RANBP3: variants seen among roughly 807,000 people sequenced by gnomAD.
RANBP3 encodes RAN binding protein 3.
RANBP3 carries 14 observed loss-of-function variants against 77.3 expected under a neutral mutation model. The ratio of observed to expected loss-of-function variants is 0.18; its 90% confidence interval spans 0.12 to 0.28. The LOEUF (loss-of-function observed/expected upper bound fraction) is 0.28. Among genes scored for constraint, RANBP3 ranks in the 10% least tolerant of loss-of-function variants. RANBP3 has a pLI of 1.00. For synonymous variants in RANBP3, 315 were observed against 312.4 expected, an observed-to-expected ratio of 1.01 and a Z score of -0.09; for missense variants, 586 against 752.3, an observed-to-expected ratio of 0.78 and a Z score of 2.59.
intron 2 of RANBP3, 46 bp downstream of exon 2, chr19:5,957,872 A>G (rs1242998077): frequency 6.2e-7 from 1 of 1,602,254 alleles, no homozygotes; most frequent in South Asian, 1.1e-5. Flanking sequence ...TAAAGAGAGA[A>G]CAAATTAGAG....
intron 5 of RANBP3, among the ~76,000 whole-genome samples, chr19:5,939,420 C>T (rs1168966680): frequency 1.3e-5 from 2 of 152,158 alleles, no homozygotes; most frequent in Admixed American, 1.3e-4. Context: ...ACTTTAAATG[C>T]CCGCTGAAGA....
intron 3 of RANBP3, among the ~76,000 whole-genome samples, chr19:5,945,141 C>T (rs2058188005): frequency 6.6e-6 from 1 of 152,334 alleles, no homozygotes; most frequent in Admixed American, 6.5e-5. Context: ...CTGGACCTCA[C>T]AGTAGAAGCC....
intron 3 of RANBP3, among the ~76,000 whole-genome samples, chr19:5,948,100 G>A (rs1413092673): frequency 6.6e-6 from 1 of 152,202 alleles, no homozygotes; most frequent in Non-Finnish European, 1.5e-5. Context: ...AGGAAGGAAT[G>A]GCACTGTTTA....
chr19:5,924,842 C>T lies in RANBP3; in HGVS notation c.981G>A (p.Met327Ile). 1 of 1,614,166 alleles carries T rather than the reference C, an allele frequency of 6.2e-7. No individual in the cohort carries two copies. The highest frequency in any genetic ancestry group is 8.5e-7 in the Non-Finnish European group (1 of 1,179,974). ...SSNKFVFGQN[M>I]SERVLSPPKL... ...AGCCACTCACCAAAACTCGCTCGCTCATGTTCTGGCCAAATACAAATTTGT... is the reference window on the plus strand; with the variant it reads ...AGCCACTCACCAAAACTCGCTCGCTTATGTTCTGGCCAAATACAAATTTGT... Residue 327 changes from methionine to isoleucine, a missense_variant, in exon 11 of 17, where the codon ATG becomes ATA. Around this residue, in one of 5 missense-constraint regions of RANBP3, gnomAD observed 232 missense variants for 271.7 expected, o/e 0.85. Transcript: ENST00000340578. This position sits in a 1 kb window ranked among gnomAD's most constrained non-coding sequence, Gnocchi z 4.7.
intron 5 of RANBP3, among the ~76,000 whole-genome samples, chr19:5,934,928 C>T (rs1290496125): frequency 6.6e-6 from 1 of 152,088 alleles, no homozygotes; most frequent in Non-Finnish European, 1.5e-5. Flanking sequence ...TGTGAAATGC[C>T]AGACTAAGCA....
At chr19:5,951,325 A>G (rs1237481357) in intron 3 of RANBP3, 68 bp downstream of exon 3, 9 of 1,414,376 alleles carry the variant, frequency 6.4e-6, no homozygotes, top group Non-Finnish European at 8.8e-6. Context: ...AGGGACCCGA[A>G]GGGAAAGTGG....
intron 2 of RANBP3, among the ~76,000 whole-genome samples, chr19:5,955,398 C>G (rs189330351): frequency 6.6e-6 from 1 of 152,296 alleles, no homozygotes; most frequent in East Asian, 1.9e-4. Context: ...GCCACCGTGT[C>G]TGGCCTACTT....
At chr19:5,947,325 A>AAG (rs1555759139) in intron 3 of RANBP3, among the ~76,000 whole-genome samples, 1 of 151,530 alleles carries the variant, frequency 6.6e-6, no homozygotes, top group African/African-American at 2.4e-5. Context: ...AAAAAAAAAA[A>AAG]AAAGAAAGAA....
chr19:5,918,808 C>T (rs1403115233), intron 14 of RANBP3, among the ~76,000 whole-genome samples, 170 bp from the exon 15 acceptor site: 1 of 152,212 alleles, frequency 6.6e-6, no homozygotes, highest in African/African-American at 2.4e-5. Context: ...CCAGCCCTGG[C>T]ACACCTGCTC....
At chr19:5,938,702 C>A (rs972775912) in intron 5 of RANBP3, among the ~76,000 whole-genome samples, 1 of 151,916 alleles carries the variant, frequency 6.6e-6, no homozygotes, top group Admixed American at 6.6e-5. Flanking sequence ...CCAAAACACA[C>A]AAAAAGTTTT....
intron 1 of RANBP3, among the ~76,000 whole-genome samples, chr19:5,964,852 T>TTG (rs1400764745): frequency 5.9e-5 from 1 of 16,996 alleles, no homozygotes. Flanking sequence ...GGTGGTAGGG[T>TTG]GGGGGGGGGG....
intron 5 of RANBP3, among the ~76,000 whole-genome samples, chr19:5,935,095 TAC>T (rs1359412502): frequency 1.3e-5 from 2 of 152,152 alleles, no homozygotes; most frequent in Non-Finnish European, 2.9e-5. Context: ...CACTCAATTG[TAC>T]ACTAAAACGA....
At chr19:5,962,740 C>T (rs759993833) in intron 1 of RANBP3, 9 of 455,948 alleles carry the variant, frequency 2.0e-5, no homozygotes, top group Non-Finnish European at 4.0e-5. Context: ...GTTACTCACG[C>T]TGCATTTCTA....
At chr19:5,971,384 G>A (rs2145279418) in intron 1 of RANBP3, among the ~76,000 whole-genome samples, 1 of 151,724 alleles carries the variant, frequency 6.6e-6, no homozygotes, top group Non-Finnish European at 1.5e-5. Context: ...GGCTGGCTTT[G>A]AACTCCTGGG....
chr19:5,939,386 A>AT (rs1472797921), intron 5 of RANBP3, among the ~76,000 whole-genome samples: 1 of 152,040 alleles, frequency 6.6e-6, no homozygotes, highest in Non-Finnish European at 1.5e-5. Context: ...TGGGGGAAAA[A>AT]TTTTAACAGC....
At chr19:5,919,484 T>C (rs2057789336) in intron 14 of RANBP3, among the ~76,000 whole-genome samples, 1 of 152,194 alleles carries the variant, frequency 6.6e-6, no homozygotes, top group African/African-American at 2.4e-5. Flanking sequence ...AGGGTACTGC[T>C]GCCACGGGGC....
intron 1 of RANBP3, among the ~76,000 whole-genome samples, chr19:5,966,246 G>A (rs1054044197): frequency 2.0e-4 from 31 of 152,248 alleles, no homozygotes; most frequent in Non-Finnish European, 2.9e-5. Flanking sequence ...CCAAACTAGG[G>A]GGCTAGTCAT....
At chr19:5,962,828 A>C (rs1001782682) in intron 1 of RANBP3, 19 of 446,648 alleles carry the variant, frequency 4.3e-5, no homozygotes, top group East Asian at 2.1e-4. Flanking sequence ...CATTCCAGGC[A>C]GGACCGCCCC....
rs904298025 is a variant in RANBP3, at chr19:5,921,074, C to T, written c.1330+127G>A. On this transcript the variant is annotated intron_variant, in intron 14 of 16. Transcript: ENST00000340578. This position sits in a 1 kb window ranked among gnomAD's most constrained non-coding sequence, Gnocchi z 5.3. Reference sequence around the variant, plus strand: ...TTGGGGGGCGGCTCTCATGGGAGACCGACTCTGTGCCTTGACTCTCACAAG... The same window carrying T: ...TTGGGGGGCGGCTCTCATGGGAGACTGACTCTGTGCCTTGACTCTCACAAG... 21 of 1,265,390 alleles carry T rather than the reference C, an allele frequency of 1.7e-5. No individual in the cohort carries two copies. The African/African-American group carries it at 2.3e-4, about 14-fold the overall frequency. The allele number at this position is 1,265,390 out of a possible 1,614,324, so 78.4% of individuals were successfully genotyped here.
Sources: gnomAD v4.1 joint callset for allele counts (sites outside exome capture counted in the v4.1 genomes callset) on GRCh38, gnomAD v4.1.1 for gene constraint, gnomAD v4.1.1 regional missense constraint, Gnocchi (gnomAD v3.1) non-coding constraint, MANE v1.5 for transcripts, NCBI Gene and HGNC (gene_info 2026-07-23, HGNC 2026-07-21) for gene names.